ETV1: variants seen among roughly 807,000 people sequenced by gnomAD.
The protein encoded by ETV1 is ETS variant transcription factor 1.
ETV1 carries 27 observed loss-of-function variants against 62.3 expected under a neutral mutation model. That is an observed-to-expected ratio of 0.43 (90% CI 0.32 to 0.60). The LOEUF is 0.60. ETV1 is among the 20% of genes least tolerant of loss of function. The pLI is 0.06. For synonymous variants in ETV1, 222 were observed against 199.6 expected (o/e 1.11, Z -0.94); for missense variants, 605 against 605.8 (o/e 1.00, Z 0.01).
intron 6 of ETV1, among the ~76,000 whole-genome samples, chr7:13,973,233 G>C (rs925581593): frequency 2.0e-5 from 3 of 152,164 alleles, no homozygotes; most frequent in Admixed American, 2.0e-4. Context: ...GACTAAAGCA[G>C]TAAAAGCTAA....
chr7:13,927,663 C>T (rs966340426), intron 9 of ETV1, among the ~76,000 whole-genome samples: 8 of 152,208 alleles, frequency 5.3e-5, no homozygotes, highest in Admixed American at 1.3e-4. Flanking sequence ...AAAATATCTA[C>T]GAATCATATT....
intron 6 of ETV1, among the ~76,000 whole-genome samples, chr7:13,962,887 A>T (rs546428196): frequency 6.6e-6 from 1 of 152,310 alleles, no homozygotes; most frequent in African/African-American, 2.4e-5. Context: ...GCATACGAAT[A>T]TATATATGTA....
chr7:13,895,951 AGAG>A lies in ETV1; in HGVS notation c.1346_1348del (p.Pro449del). On this transcript the variant is annotated inframe_deletion, in exon 14 of 14. Transcript: ENST00000430479. The stretch of plus-strand genomic sequence containing the variant: ...GGCCATGCTCTCATCAAAGTGAGAA[AGAG>A]GCACTGTGTCCTCCTCGTTGATGTG... 1 of 1,613,790 alleles carries A rather than the reference AGAG, an allele frequency of 6.2e-7. No individual in the cohort carries two copies. The highest frequency in any genetic ancestry group is 8.5e-7 in the Non-Finnish European group (1 of 1,179,820).
chr7:13,933,573 G>A (rs1024233369), intron 8 of ETV1, among the ~76,000 whole-genome samples: 4 of 152,216 alleles, frequency 2.6e-5, no homozygotes, highest in Non-Finnish European at 4.4e-5. Flanking sequence ...CCAGTTGGCC[G>A]TAAAGCATTC....
Position 13,929,236 on chromosome 7 carries a change from A to G in ETV1, c.802+2266T>C, listed in dbSNP as rs993917682. 1.5e-4 allele frequency among the ~76,000 whole-genome samples: 23 copies of G among 152,166 alleles called. 1 individual carries two copies. Among genetic ancestry groups the G allele is most frequent in the Admixed American group, 1.2e-3 (19 of 15,270 alleles). On this transcript the variant is annotated intron_variant, in intron 9 of 13. Coordinates refer to ENST00000430479, the MANE Select transcript of ETV1 (RefSeq NM_004956.5). ...AATTAGAGACACCAGTGGACGATAC[A>G]AAAGGTTCTAAACTGAAACCACAAT...
chr7:13,967,185 T>C (rs1457975778), intron 6 of ETV1, among the ~76,000 whole-genome samples: 2 of 152,116 alleles, frequency 1.3e-5, no homozygotes, highest in African/African-American at 4.8e-5. Context: ...GAATACAAGA[T>C]TCTGCTACAA....
At chr7:13,928,009 C>A (rs1022786400) in intron 9 of ETV1, among the ~76,000 whole-genome samples, 4 of 152,110 alleles carry the variant, frequency 2.6e-5, no homozygotes, top group African/African-American at 7.2e-5. Context: ...ACATGGCATA[C>A]TTAACTTACA....
At chr7:13,947,916 A>T (rs1788361727) in intron 6 of ETV1, among the ~76,000 whole-genome samples, 1 of 152,198 alleles carries the variant, frequency 6.6e-6, no homozygotes, top group Admixed American at 6.5e-5. Context: ...TGTTTTAAAA[A>T]TTCCCTAATA....
chr7:13,922,203 C>T (rs1034297251), intron 9 of ETV1, among the ~76,000 whole-genome samples: 8 of 151,944 alleles, frequency 5.3e-5, no homozygotes, highest in Non-Finnish European at 1.2e-4. Flanking sequence ...TAATTCTAGG[C>T]CTTCTATAAC....
intron 9 of ETV1, among the ~76,000 whole-genome samples, chr7:13,912,813 G>C (rs77555908): frequency 0.013 from 1,978 of 152,298 alleles, 31 homozygotes; most frequent in African/African-American, 0.045. Flanking sequence ...CATAAAGTAA[G>C]TAAAGTCATG....
At chr7:13,977,596 T>A in intron 5 of ETV1, 116 bp from the exon 6 acceptor site, 1 of 687,004 alleles carries the variant, frequency 1.5e-6, no homozygotes, top group Non-Finnish European at 2.5e-6. Context: ...AACCTATGAT[T>A]ATTTGCCAAT....
chr7:13,918,097 T>G (rs550381934), intron 9 of ETV1, among the ~76,000 whole-genome samples: 1 of 152,344 alleles, frequency 6.6e-6, no homozygotes, highest in Admixed American at 6.5e-5. Context: ...TGCTGGAAAC[T>G]ACATGATTTG....
intron 6 of ETV1, among the ~76,000 whole-genome samples, chr7:13,976,185 T>C (rs1003411950): frequency 2.0e-5 from 3 of 152,178 alleles, no homozygotes; most frequent in African/African-American, 4.8e-5. Flanking sequence ...ATAAAGCTAA[T>C]ACAACAGTGG....
At chr7:13,903,139 A>C (rs1337336691) in intron 12 of ETV1, among the ~76,000 whole-genome samples, 1 of 152,146 alleles carries the variant, frequency 6.6e-6, no homozygotes, top group Non-Finnish European at 1.5e-5. Flanking sequence ...CATAGTTTCC[A>C]ATATGGAGTG....
chr7:13,903,190 C>G (rs545742812), intron 12 of ETV1, among the ~76,000 whole-genome samples: 2 of 152,100 alleles, frequency 1.3e-5, no homozygotes, highest in African/African-American at 4.8e-5. Context: ...TCCTTATATA[C>G]GCCTTCAAAT....
At chr7:13,977,757 G>C (rs1309031593) in intron 5 of ETV1, among the ~76,000 whole-genome samples, 1 of 152,122 alleles carries the variant, frequency 6.6e-6, no homozygotes, top group South Asian at 2.1e-4. Flanking sequence ...GGAAATAAAA[G>C]AGATGCAAAA....
intron 9 of ETV1, among the ~76,000 whole-genome samples, chr7:13,917,639 C>G (rs1195309954): frequency 6.7e-6 from 1 of 148,678 alleles, no homozygotes; most frequent in Non-Finnish European, 1.5e-5. Flanking sequence ...TTATTTCATA[C>G]TACCATACTC....
At chr7:13,913,461 G>A (rs940037369) in intron 9 of ETV1, among the ~76,000 whole-genome samples, 4 of 152,134 alleles carry the variant, frequency 2.6e-5, no homozygotes, top group Non-Finnish European at 2.9e-5. Context: ...TCTGTAAAGT[G>A]GGAATAATAA....
At chr7:13,969,136 C>A (rs955251485) in intron 6 of ETV1, among the ~76,000 whole-genome samples, 3 of 152,240 alleles carry the variant, frequency 2.0e-5, no homozygotes, top group Non-Finnish European at 2.9e-5. Flanking sequence ...CAGGGTGGGT[C>A]ATCAATGCCT....
Sources: gnomAD v4.1 joint callset for allele counts (sites outside exome capture counted in the v4.1 genomes callset) on GRCh38, gnomAD v4.1.1 for gene constraint, MANE v1.5 for transcripts, NCBI Gene and HGNC (gene_info 2026-07-23, HGNC 2026-07-21) for gene names.